The following MIGA2 variants were observed in gnomAD, a reference collection of about 807,000 sequenced individuals.
MIGA2 encodes family with sequence similarity 73, member B.
Under a neutral mutation model 69.9 loss-of-function variants are expected in MIGA2, and 36 were observed. The ratio of observed to expected loss-of-function variants is 0.52; its 90% CI spans 0.39 to 0.68. The LOEUF (loss-of-function observed/expected upper bound fraction) is 0.68, where lower values mean the gene tolerates loss of function less well. MIGA2 is among the 30% of genes least tolerant of loss of function. The pLI is 0.00. For missense variants in MIGA2, 660 were observed against 787.7 expected (o/e 0.84, Z 1.94); for synonymous variants, 333 against 349.2 (o/e 0.95, Z 0.52).
chr9:129,069,901 C>G lies in MIGA2; in HGVS notation c.1511C>G (p.Pro504Arg). 6.2e-7 allele frequency: 1 copy of G among 1,613,688 alleles called. No individual in the cohort carries two copies. Among genetic ancestry groups the G allele is most frequent in the Non-Finnish European group, 8.5e-7 (1 of 1,179,908 alleles). ...TACTCCGTATCGGAGCATGTGAGCC[C>G]TGTCCTAGCCTTCGGCTTCCTTGGA... ...HFYSVSEHVS[P>R]VLAFGFLGPK... The change falls in exon 15 of 16, where the codon CCT (proline) becomes CGT (arginine). Residue 504 changes from proline to arginine, a missense_variant. Pro to Arg is a moderately radical substitution (Grantham distance 103). Coordinates refer to ENST00000684074, the MANE Select transcript of MIGA2 (RefSeq NM_001329990.2). The surrounding 1 kb of genome is among the most constrained non-coding windows in gnomAD (Gnocchi z 4.9).
chr9:129,045,969 T>G (rs1845200043), intron 3 of MIGA2, among the ~76,000 whole-genome samples: 1 of 151,492 alleles, frequency 6.6e-6, no homozygotes, highest in Non-Finnish European at 1.5e-5. Flanking sequence ...TTCTCCTGCC[T>G]CAGCCTCCTG....
chr9:129,037,676 G>A (rs758595225), intron 1 of MIGA2, among the ~76,000 whole-genome samples: 20 of 152,110 alleles, frequency 1.3e-4, no homozygotes, highest in Admixed American at 7.2e-4. Flanking sequence ...GGACTCTCCC[G>A]CAAACAGTGG....
chr9:129,055,139 G>A (rs909730108), intron 6 of MIGA2, among the ~76,000 whole-genome samples: 1 of 150,000 alleles, frequency 6.7e-6, no homozygotes, highest in East Asian at 2.0e-4. Context: ...GTTCAGTGGC[G>A]CGATCTTGGC....
At chr9:129,042,116 G>C (rs1156271788) in intron 2 of MIGA2, 188 bp from the exon 3 acceptor site, 15 of 613,790 alleles carry the variant, frequency 2.4e-5, no homozygotes, top group African/African-American at 5.6e-5. Context: ...TTATGTTTTT[G>C]TGGCCTGTGT....
chr9:129,067,686 G>A lies in MIGA2; in HGVS notation c.1171-87G>A, dbSNP rs1053724861. On this transcript the variant is annotated intron_variant, in intron 11 of 15. Coordinates refer to ENST00000684074, the MANE Select transcript of MIGA2 (RefSeq NM_001329990.2). ...TGCTGCGTGGGGATGGGCCCCAGCC[G>A]TGCCTTGGCATGTCCCCCATCCACA... The A allele has an allele frequency of 2.7e-5, 33 of 1,235,744 alleles. No homozygotes were observed. The African/African-American group carries it at 2.8e-4, about 11-fold the overall frequency. 76.5% of individuals were successfully genotyped at this position (1,235,744 alleles called of 1,614,324 possible).
intron 1 of MIGA2, among the ~76,000 whole-genome samples, chr9:129,038,045 G>T (rs2131332854): frequency 6.6e-6 from 1 of 152,330 alleles, no homozygotes; most frequent in Admixed American, 6.5e-5. Flanking sequence ...CTGGCCCTCT[G>T]ATGTTCTTGT....
chr9:129,066,341 G>T (rs2131392291), intron 11 of MIGA2, among the ~76,000 whole-genome samples: 1 of 152,296 alleles, frequency 6.6e-6, no homozygotes, highest in South Asian at 2.1e-4. Context: ...CCTCTGGGGA[G>T]CTCCTCTTTG....
At chr9:129,046,860 C>A (rs559911193) in intron 3 of MIGA2, among the ~76,000 whole-genome samples, 11 of 152,066 alleles carry the variant, frequency 7.2e-5, no homozygotes, top group African/African-American at 2.7e-4. Context: ...CTCATTGCAA[C>A]GTCCACCTCC....
intron 1 of MIGA2, among the ~76,000 whole-genome samples, 178 bp from the exon 2 acceptor site, chr9:129,040,266 AGGGTCTGT>A (rs1329782803): frequency 6.6e-6 from 1 of 152,154 alleles, no homozygotes. Context: ...TGGTAGGCAG[AGGGTCTGT>A]GGGTGTGGGG....
intron 3 of MIGA2, 150 bp from the exon 4 acceptor site, chr9:129,048,277 A>G: frequency 7.5e-6 from 5 of 665,444 alleles, no homozygotes; most frequent in Non-Finnish European, 5.4e-6. Context: ...TCCTGAGTGC[A>G]CGCCCTTGGG....
rs1158593771 is a variant in MIGA2 at position 129,071,373 on chromosome 9, G to A, written c.*920G>A. ...AGTTCAACGCACAAACGCTCCTGGG[G>A]CCTCATGGGGGCAGAGCCTCCCCTG... On this transcript the variant is annotated 3_prime_UTR_variant, in exon 16 of 16. Coordinates refer to ENST00000684074, the MANE Select transcript of MIGA2 (RefSeq NM_001329990.2). 1.3e-5 allele frequency: 2 copies of A among 152,300 alleles called. No individual in the cohort carries two copies. The highest frequency in any genetic ancestry group is 6.5e-5 in the Admixed American group (1 of 15,286). 9.4% of individuals were successfully genotyped at this position (152,300 alleles called of 1,614,324 possible).
At chr9:129,057,131 G>A (rs1845837978) in intron 6 of MIGA2, among the ~76,000 whole-genome samples, 2 of 152,196 alleles carry the variant, frequency 1.3e-5, no homozygotes, top group South Asian at 4.1e-4. Context: ...TAAATCTAGT[G>A]CTCACTTCTC....
In MIGA2 at chr9:129,060,661, G is replaced by T. The variant is rs1247645599; in HGVS notation, c.894+11G>T. On this transcript the variant is annotated intron_variant, in intron 8 of 15. Coordinates refer to ENST00000684074, the MANE Select transcript of MIGA2 (RefSeq NM_001329990.2). The surrounding 1 kb of genome is among the most constrained non-coding windows in gnomAD (Gnocchi z 4.8). Reference sequence around the variant, plus strand: ...TTCTCCGCCACCGAGGTGACTCGGGGTGGGGACCAAGCCTGGGGTGGGGTG... The same window carrying T: ...TTCTCCGCCACCGAGGTGACTCGGGTTGGGGACCAAGCCTGGGGTGGGGTG... 4 of 1,570,410 alleles carry T rather than the reference G, an allele frequency of 2.5e-6. No individual in the cohort carries two copies. Among genetic ancestry groups the T allele is most frequent in the Non-Finnish European group, 3.5e-6 (4 of 1,157,072 alleles).
chr9:129,039,149 A>T (rs1274561646), intron 1 of MIGA2, among the ~76,000 whole-genome samples: 1 of 151,190 alleles, frequency 6.6e-6, no homozygotes, highest in Non-Finnish European at 1.5e-5. Context: ...GCAGCACAAA[A>T]TACGTAGCGT....
chr9:129,068,506 C>G lies in MIGA2; in HGVS notation c.1404+174C>G. On this transcript the variant is annotated intron_variant, in intron 13 of 15. Coordinates refer to ENST00000684074, the MANE Select transcript of MIGA2 (RefSeq NM_001329990.2). The surrounding 1 kb of genome is among the most constrained non-coding windows in gnomAD (Gnocchi z 4.1). ...TGCCCTGGAGAAGCCTCCAGGGTGC[C>G]CCGTTGCTGCCTGGTGCCCCAGTTT... The G allele has an allele frequency of 1.3e-6, 1 of 761,234 alleles. No individual in the cohort carries two copies. The allele number at this position is 761,234 out of a possible 1,614,324, so 47.2% of individuals were successfully genotyped here.
chr9:129,068,789 C>T lies in MIGA2; in HGVS notation c.1405-287C>T, dbSNP rs1392220501. The T allele has an allele frequency of 1.0e-5, 5 of 493,050 alleles. No homozygotes were observed. The highest frequency in any genetic ancestry group is 3.9e-5 in the African/African-American group (2 of 51,662). 30.5% of individuals were successfully genotyped at this position (493,050 alleles called of 1,614,324 possible). A position where few individuals can be genotyped will look rare whatever the true frequency, so the allele number is the denominator to read the frequency against. On this transcript the variant is annotated intron_variant, in intron 13 of 15. Transcript: ENST00000684074. This position sits in a 1 kb window ranked among gnomAD's most constrained non-coding sequence, Gnocchi z 4.1. ...TGGTTTACAGGCGGGAACCATTGCT[C>T]CCACAACCACCAAAGGAGGTGGGAG...
rs759490976 is a variant in MIGA2, at chr9:129,061,234, T to C, written c.898T>C (p.Phe300Leu). Reference protein sequence around the residue: ...EDSFFSATELFESLQTGDYPI... With the variant: ...EDSFFSATELLESLQTGDYPI... The stretch of plus-strand genomic sequence containing the variant: ...CTTCCTCTGCACCCTCTCCCAGCTC[T>C]TTGAGTCCCTGCAGACTGGAGATTA... Residue 300 changes from phenylalanine (F) to leucine (L), a missense_variant, in exon 9 of 16, where the codon TTT (phenylalanine) becomes CTT (leucine). Physicochemically the swap from Phe to Leu is conservative, Grantham distance 22. Transcript: ENST00000684074. This position sits in a 1 kb window ranked among gnomAD's most constrained non-coding sequence, Gnocchi z 5.0. The C allele has an allele frequency of 1.2e-6, 2 of 1,610,580 alleles. No individual in the cohort carries two copies. Among genetic ancestry groups the C allele is most frequent in the Non-Finnish European group, 1.7e-6 (2 of 1,178,882 alleles).
chr9:129,042,473 T>A lies in MIGA2; in HGVS notation c.266T>A (p.Leu89His), dbSNP rs756009105. ...MGGEQLGTVP[L>H]PILLARKVPS... The stretch of plus-strand genomic sequence containing the variant: ...GGGGAGCAGCTGGGCACGGTGCCCC[T>A]CCCTATCCTCTTGGCCAGGAAGGTC... The change falls in exon 3 of 16, where the codon CTC becomes CAC. Residue 89 changes from leucine (L) to histidine (H), a missense_variant. Coordinates refer to ENST00000684074, the MANE Select transcript of MIGA2 (RefSeq NM_001329990.2). 1 of 1,599,958 alleles carries A rather than the reference T, an allele frequency of 6.3e-7. No individual in the cohort carries two copies. Among genetic ancestry groups the A allele is most frequent in the South Asian group, 1.1e-5 (1 of 89,226 alleles).
At position 129,042,491 on chromosome 9, in the gene MIGA2, G is replaced by C. The variant is rs1326854194; in HGVS notation, c.284G>C (p.Arg95Thr). The C allele has an allele frequency of 5.0e-6, 8 of 1,585,460 alleles. No homozygotes were observed. The South Asian group carries it at 9.1e-5, about 18-fold the overall frequency. ...GTGCCCCTCCCTATCCTCTTGGCCA[G>C]GAAGGTCCCTTCAGTGAAGAAAGGT... Reference protein sequence around the residue: ...GTVPLPILLARKVPSVKKGYS... With the variant: ...GTVPLPILLATKVPSVKKGYS... Residue 95 changes from arginine (R) to threonine (T), a missense_variant, in exon 3 of 16, where the codon AGG (arginine) becomes ACG (threonine). By Grantham distance (71) the Arg-to-Thr change is moderately conservative. This residue lies in a region of MIGA2 where 386 missense variants were observed against 402.0 expected (regional missense o/e 0.96). Coordinates refer to ENST00000684074, the MANE Select transcript of MIGA2 (RefSeq NM_001329990.2).
Sources: allele counts gnomAD v4.1 joint callset (sites outside exome capture counted in the v4.1 genomes callset), GRCh38; gene constraint gnomAD v4.1.1; regional missense constraint gnomAD v4.1.1; non-coding constraint Gnocchi (gnomAD v3.1); transcripts MANE v1.5; gene names NCBI Gene and HGNC (gene_info 2026-07-23, HGNC 2026-07-21).